The following NTRK2 variants were observed in gnomAD, a reference collection of about 807,000 sequenced individuals.
The protein encoded by NTRK2 is neurotrophic receptor tyrosine kinase 2.
NTRK2 carries 13 observed loss-of-function variants against 94.5 expected under a neutral mutation model. That is an observed-to-expected ratio of 0.14 (90% confidence interval 0.09 to 0.22). NTRK2 has a LOEUF of 0.22. NTRK2 is among the 10% of genes least tolerant of loss of function. The pLI is 1.00. For missense variants in NTRK2, 639 were observed against 1,071.2 expected, an observed-to-expected ratio of 0.60 and a Z score of 5.63; for synonymous variants, 372 against 407.4, an observed-to-expected ratio of 0.91 and a Z score of 1.05.
At chr9:84,706,138 C>T (rs1247744295) in intron 4 of NTRK2, among the ~76,000 whole-genome samples, 1 of 152,122 alleles carries the variant, frequency 6.6e-6, no homozygotes, top group Non-Finnish European at 1.5e-5. Context: ...TATGTGGGCA[C>T]ATTTTACAAC....
At chr9:84,924,229 T>TAGAAAGAAAGAAAGAAAGAAAGAA (rs774882842) in intron 14 of NTRK2, among the ~76,000 whole-genome samples, 1 of 115,578 alleles carries the variant, frequency 8.7e-6, no homozygotes. Context: ...AGAAAGAAAG[T>TAGAAAGAAAGAAAGAAAGAAAGAA]AGAAAGAAAG....
At chr9:85,000,529 A>T (rs1368515274) in intron 17 of NTRK2, among the ~76,000 whole-genome samples, 1 of 152,154 alleles carries the variant, frequency 6.6e-6, no homozygotes, top group Non-Finnish European at 1.5e-5. Flanking sequence ...TAGCCTTTTC[A>T]GGTTGGCTTC....
At chr9:84,896,396 C>A (rs1274233086) in intron 14 of NTRK2, among the ~76,000 whole-genome samples, 2 of 152,150 alleles carry the variant, frequency 1.3e-5, no homozygotes, top group Admixed American at 1.3e-4. Flanking sequence ...GGACAGCCTG[C>A]ACATACAATG....
rs2075627349 is a variant in NTRK2 at position 84,867,014 on chromosome 9, A to C, written c.1445-229A>C. Among the ~76,000 whole-genome samples the C allele has an allele frequency of 2.0e-5, 3 of 152,308 alleles. No individual in the cohort carries two copies. In the South Asian group the frequency reaches 6.2e-4, roughly 32 times the overall value. ...TTCATATGAAATGCCAGAGAGATAG[A>C]GTGTAAATCTGTGAATGTCTACGGC... On this transcript the variant is annotated intron_variant, in intron 13 of 18. Coordinates refer to ENST00000277120, the MANE Select transcript of NTRK2 (RefSeq NM_006180.6).
chr9:84,717,291 A>T (rs1170880197), intron 6 of NTRK2, among the ~76,000 whole-genome samples: 1 of 152,254 alleles, frequency 6.6e-6, no homozygotes. Context: ...TTACTAAAAA[A>T]TGTTAGTAAA....
At chr9:84,693,020 C>T (rs1342433620) in intron 2 of NTRK2, among the ~76,000 whole-genome samples, 5 of 152,160 alleles carry the variant, frequency 3.3e-5, no homozygotes, top group South Asian at 2.1e-4. Context: ...CAGCACAGCT[C>T]GTGGTTGCCA....
intron 2 of NTRK2, among the ~76,000 whole-genome samples, chr9:84,673,180 C>T (rs956320160): frequency 1.3e-5 from 2 of 152,114 alleles, no homozygotes; most frequent in East Asian, 1.9e-4. Flanking sequence ...GTCTGTAACT[C>T]GTATGACAAT....
At chr9:84,802,631 A>G (rs545341056) in intron 12 of NTRK2, among the ~76,000 whole-genome samples, 33 of 152,332 alleles carry the variant, frequency 2.2e-4, no homozygotes, top group African/African-American at 7.5e-4. Flanking sequence ...ATTTAACTCA[A>G]GTGAGGGGTT....
At position 84,670,601 on chromosome 9, in the gene NTRK2, C is replaced by A; in HGVS notation, c.-148C>A. ...CACTCTTCGCTCCGGACCAGCTCAG[C>A]CTCTGATAAGCTGGACTCGGCACGC... On this transcript the variant is annotated 5_prime_UTR_variant, in exon 2 of 19. Transcript: ENST00000277120. 1.3e-6 allele frequency: 1 copy of A among 797,298 alleles called. No homozygotes were observed. The highest frequency in any genetic ancestry group is 2.5e-5 in the East Asian group (1 of 40,816). The allele number at this position is 797,298 out of a possible 1,614,324, so 49.4% of individuals were successfully genotyped here.
chr9:84,856,472 G>T (rs570586066), intron 12 of NTRK2, among the ~76,000 whole-genome samples: 1 of 152,128 alleles, frequency 6.6e-6, no homozygotes, highest in Non-Finnish European at 1.5e-5. Flanking sequence ...TCAACAAGGC[G>T]AACTTTTGCA....
In NTRK2 at chr9:84,945,279, C is replaced by T. The variant is rs565884213; in HGVS notation, c.1765-3183C>T. On this transcript the variant is annotated intron_variant, in intron 15 of 18. Coordinates refer to ENST00000277120, the MANE Select transcript of NTRK2 (RefSeq NM_006180.6). The stretch of plus-strand genomic sequence containing the variant: ...CTTTTATCTCTACTTTCACAAACTT[C>T]GTGTATCAGGGGTTCTTTTAGTTGC... 2.6e-5 allele frequency among the ~76,000 whole-genome samples: 4 copies of T among 152,272 alleles called. No individual in the cohort carries two copies. The South Asian group carries it at 8.3e-4, about 32-fold the overall frequency.
intron 12 of NTRK2, among the ~76,000 whole-genome samples, chr9:84,794,279 C>G (rs2133250066): frequency 6.6e-6 from 1 of 152,268 alleles, no homozygotes; most frequent in African/African-American, 2.4e-5. Context: ...TAGGCAGGAG[C>G]CATCACCCGA....
chr9:84,833,092 TTGGTGG>T (rs925823939), intron 12 of NTRK2, among the ~76,000 whole-genome samples: 47 of 125,218 alleles, frequency 3.8e-4, no homozygotes, highest in African/African-American at 8.5e-4. Context: ...TTGGGCCTCA[TTGGTGG>T]TGGTGGTGGT....
intron 12 of NTRK2, among the ~76,000 whole-genome samples, chr9:84,799,226 T>A (rs2070071291): frequency 6.6e-6 from 1 of 151,994 alleles, no homozygotes; most frequent in South Asian, 2.1e-4. Context: ...AGACTTTCAT[T>A]CACCAAAGAT....
At chr9:84,965,588 T>C (rs777819101) in intron 17 of NTRK2, among the ~76,000 whole-genome samples, 1 of 152,166 alleles carries the variant, frequency 6.6e-6, no homozygotes, top group Non-Finnish European at 1.5e-5. Context: ...ATAAATACAA[T>C]TAGATGACCT....
intron 2 of NTRK2, among the ~76,000 whole-genome samples, chr9:84,680,554 C>T (rs1281150267): frequency 6.6e-6 from 1 of 152,194 alleles, no homozygotes; most frequent in Admixed American, 6.5e-5. Context: ...AATTTTCCCT[C>T]TCTCACATAC....
chr9:84,980,459 TA>T (rs1237924806), intron 17 of NTRK2, among the ~76,000 whole-genome samples: 4 of 152,200 alleles, frequency 2.6e-5, no homozygotes, highest in African/African-American at 9.7e-5. Context: ...ATCCCACTCT[TA>T]AAATAGTTGC....
intron 12 of NTRK2, among the ~76,000 whole-genome samples, chr9:84,859,626 G>A (rs1430499682): frequency 6.6e-6 from 1 of 152,112 alleles, no homozygotes. Flanking sequence ...AAATGGGAAT[G>A]TAACATTGAA....
At chr9:84,878,220 C>T (rs920361123) in intron 14 of NTRK2, among the ~76,000 whole-genome samples, 1 of 152,188 alleles carries the variant, frequency 6.6e-6, no homozygotes, top group Non-Finnish European at 1.5e-5. Flanking sequence ...TGCAAAAGAT[C>T]TATGAAGAAA....
Sources: allele counts gnomAD v4.1 joint callset (sites outside exome capture counted in the v4.1 genomes callset), GRCh38; gene constraint gnomAD v4.1.1; transcripts MANE v1.5; gene names NCBI Gene and HGNC (gene_info 2026-07-23, HGNC 2026-07-21).